The following AGAP1 variants were observed in gnomAD, a reference collection of about 807,000 sequenced individuals.
AGAP1 encodes arf-GAP with GTPase, ANK repeat and PH domain-containing protein 1.
Under a neutral mutation model 105.3 loss-of-function variants are expected in AGAP1, and 29 were observed. That is an observed-to-expected ratio of 0.28 (90% CI 0.21 to 0.38). The LOEUF (loss-of-function observed/expected upper bound fraction) is 0.38, where lower values mean the gene tolerates loss of function less well. Ranked by LOEUF, AGAP1 falls within the 10% of genes least tolerant of loss-of-function variation. The pLI, the probability that AGAP1 is intolerant of heterozygous loss-of-function variation, is 1.00. For synonymous variants in AGAP1, 509 were observed against 485.9 expected (o/e 1.05, Z -0.63); for missense variants, 998 against 1,165.1 (o/e 0.86, Z 2.09).
Position 236,037,462 on chromosome 2 carries a change from A to G in AGAP1, c.1800+747A>G, listed in dbSNP as rs184496174. 2.6e-3 allele frequency among the ~76,000 whole-genome samples: 395 copies of G among 152,310 alleles called. 7 individuals are homozygous for G. The South Asian group carries it at 0.037, about 14-fold the overall frequency. ...ACCTAGGCTGGAGTACAGTGGCACA[A>G]TCTTAGCTCACTGCAACCTCCAAGC... On this transcript the variant is annotated intron_variant, in intron 14 of 17. Coordinates refer to ENST00000304032, the MANE Select transcript of AGAP1 (RefSeq NM_001037131.3).
intron 13 of AGAP1, among the ~76,000 whole-genome samples, chr2:236,006,403 G>A (rs1328000871): frequency 6.6e-6 from 1 of 152,182 alleles, no homozygotes; most frequent in African/African-American, 2.4e-5. Flanking sequence ...CTTCTGGGGT[G>A]CCATTTCTTG....
chr2:235,864,737 A>C lies in AGAP1; in HGVS notation c.1051-18608A>C, dbSNP rs1298291023. 6.6e-6 allele frequency among the ~76,000 whole-genome samples: 1 copy of C among 152,158 alleles called. No homozygotes were observed. Among genetic ancestry groups the C allele is most frequent in the South Asian group, 2.1e-4 (1 of 4,826 alleles). On this transcript the variant is annotated intron_variant, in intron 9 of 17. Transcript: ENST00000304032. This position sits in a 1 kb window ranked among gnomAD's most constrained non-coding sequence, Gnocchi z 5.0. ...TCTGTCAGTCCTGGTGGGAAAAAAA[A>C]ACATTTTGTTTTTCTTAGTTTCCTT...
chr2:235,805,336 C>T (rs1412771383), intron 8 of AGAP1, among the ~76,000 whole-genome samples: 2 of 152,110 alleles, frequency 1.3e-5, no homozygotes, highest in Non-Finnish European at 2.9e-5. Flanking sequence ...CTATTTCTTC[C>T]CATTTCAAGT....
At chr2:235,630,935 G>T (rs1438698811) in intron 1 of AGAP1, among the ~76,000 whole-genome samples, 1 of 152,196 alleles carries the variant, frequency 6.6e-6, no homozygotes, top group Non-Finnish European at 1.5e-5. Context: ...GCCGCAGCCC[G>T]ATCAAAACAA....
intron 2 of AGAP1, 26 bp downstream of exon 2, chr2:235,709,263 A>T: frequency 6.2e-7 from 1 of 1,611,844 alleles, no homozygotes; most frequent in Non-Finnish European, 8.5e-7. Flanking sequence ...TGGCCCTGGC[A>T]CCTGTGGGAA....
At chr2:235,522,473 G>T (rs1388748944) in intron 1 of AGAP1, among the ~76,000 whole-genome samples, 2 of 152,136 alleles carry the variant, frequency 1.3e-5, no homozygotes, top group Non-Finnish European at 2.9e-5. Flanking sequence ...TGGTGGAAGT[G>T]AGGAAGGAGA....
intron 10 of AGAP1, among the ~76,000 whole-genome samples, chr2:235,890,869 G>A (rs1397020368): frequency 6.9e-6 from 1 of 145,192 alleles, no homozygotes; most frequent in African/African-American, 2.5e-5. Flanking sequence ...CAAGCTAATG[G>A]AGTTAGTTGG....
chr2:235,628,591 G>A (rs1424753186), intron 1 of AGAP1, among the ~76,000 whole-genome samples: 1 of 151,854 alleles, frequency 6.6e-6, no homozygotes, highest in Non-Finnish European at 1.5e-5. Flanking sequence ...GTCCTTGAAT[G>A]CTCTGGAAAG....
At chr2:235,645,089 T>A (rs1947329952) in intron 1 of AGAP1, among the ~76,000 whole-genome samples, 1 of 151,964 alleles carries the variant, frequency 6.6e-6, no homozygotes, top group Non-Finnish European at 1.5e-5. Flanking sequence ...AGAGACAGGG[T>A]TTTACCATGT....
intron 10 of AGAP1, among the ~76,000 whole-genome samples, chr2:235,898,006 A>T (rs1000101772): frequency 6.6e-6 from 1 of 152,118 alleles, no homozygotes; most frequent in Non-Finnish European, 1.5e-5. Flanking sequence ...ATCAACAGCA[A>T]TCTAGCTGCA....
At chr2:235,917,833 A>G (rs1010809055) in intron 11 of AGAP1, among the ~76,000 whole-genome samples, 2 of 152,188 alleles carry the variant, frequency 1.3e-5, no homozygotes, top group Admixed American at 6.5e-5. Context: ...TTAAGGATAC[A>G]TTATCCCCGT....
Position 236,005,962 on chromosome 2 carries a change from T to C in AGAP1, c.1646-30599T>C, listed in dbSNP as rs755835853. ...CTTTTGGAAGGAAGTCACTGTGCAC[T>C]TAAGGAGTTGGGCGTTAGACCCCCT... is the stretch of plus-strand genomic sequence containing the variant. On this transcript the variant is annotated intron_variant, in intron 13 of 17. Transcript: ENST00000304032. This position sits in a 1 kb window ranked among gnomAD's most constrained non-coding sequence, Gnocchi z 4.1. Among the ~76,000 whole-genome samples the C allele has an allele frequency of 8.5e-5, 13 of 152,210 alleles. No homozygotes were observed. Among genetic ancestry groups the C allele is most frequent in the Non-Finnish European group, 5.9e-5 (4 of 68,024 alleles).
chr2:235,932,358 A>G (rs2052765488), intron 12 of AGAP1, among the ~76,000 whole-genome samples: 1 of 152,264 alleles, frequency 6.6e-6, no homozygotes, highest in African/African-American at 2.4e-5. Flanking sequence ...GCTCTTCGTG[A>G]CTGAAGAACC....
chr2:235,980,755 T>G (rs1211173461), intron 13 of AGAP1, among the ~76,000 whole-genome samples: 7 of 152,214 alleles, frequency 4.6e-5, no homozygotes, highest in Admixed American at 2.0e-4. Flanking sequence ...GTGGAGCTCA[T>G]GTCAGCATTG....
rs200933077 is a variant in AGAP1, at chr2:235,819,113, TTTTC to T, written c.1050+11786_1050+11789del. Among the ~76,000 whole-genome samples, 83 of 134,676 alleles carry T rather than the reference TTTTC, an allele frequency of 6.2e-4. 2 individuals are homozygous for T. The highest frequency in any genetic ancestry group is 3.0e-3 in the Admixed American group (35 of 11,844). The allele number at this position is 134,676 out of a possible 152,430, so 88.4% of individuals were successfully genotyped here. A position where few individuals can be genotyped will look rare whatever the true frequency, so the allele number is the denominator to read the frequency against. On this transcript the variant is annotated intron_variant, in intron 9 of 17. Transcript: ENST00000304032. ...GGGAAATTGTATTTCTTTTCTTTTC[TTTTC>T]TTTTTTTTTTTTTTGGAGACAGAGT...
chr2:235,750,154 A>G lies in AGAP1; in HGVS notation c.539-200A>G, dbSNP rs192179375. Among the ~76,000 whole-genome samples, 84 of 152,296 alleles carry G rather than the reference A, an allele frequency of 5.5e-4. 1 individual carries two copies. Among genetic ancestry groups the G allele is most frequent in the African/African-American group, 1.9e-3 (81 of 41,576 alleles). On this transcript the variant is annotated intron_variant, in intron 5 of 17. Transcript: ENST00000304032. The surrounding 1 kb of genome is among the most constrained non-coding windows in gnomAD (Gnocchi z 5.3). ...GCAGTTTCAGAAGCGCTCCTGTAAA[A>G]CAAATATCTACGAATGAATAACTTT... is the stretch of plus-strand genomic sequence containing the variant.
At chr2:235,686,620 G>GATAGATATAGAT (rs1949416375) in intron 1 of AGAP1, among the ~76,000 whole-genome samples, 1 of 57,244 alleles carries the variant, frequency 1.7e-5, no homozygotes, top group African/African-American at 8.7e-5. Context: ...TGGAGATATA[G>GATAGATATAGAT]ATATATATAT....
chr2:235,726,708 G>C (rs1007360235), intron 3 of AGAP1, among the ~76,000 whole-genome samples: 4 of 152,184 alleles, frequency 2.6e-5, no homozygotes, highest in Non-Finnish European at 5.9e-5. Context: ...GCTCTGGTCT[G>C]GAAGCCCCGG....
chr2:235,985,407 C>T (rs540161532), intron 13 of AGAP1, among the ~76,000 whole-genome samples: 1 of 152,184 alleles, frequency 6.6e-6, no homozygotes, highest in African/African-American at 2.4e-5. Flanking sequence ...GTTGCCTGTT[C>T]ACTCTGATGA....
Sources: allele counts gnomAD v4.1 joint callset (sites outside exome capture counted in the v4.1 genomes callset), GRCh38; gene constraint gnomAD v4.1.1; non-coding constraint Gnocchi (gnomAD v3.1); transcripts MANE v1.5; gene names NCBI Gene and HGNC (gene_info 2026-07-23, HGNC 2026-07-21).